Variants in NOA1 observed in about 807,000 individuals in gnomAD.
The protein encoded by NOA1 is nitric oxide associated 1.
NOA1 carries 35 observed loss-of-function variants against 58.4 expected under a neutral mutation model. That is an observed-to-expected ratio of 0.60 (90% confidence interval 0.46 to 0.79). The LOEUF is 0.79. Ranked by LOEUF, NOA1 falls within the 30% of genes least tolerant of loss-of-function variation. The probability of loss-of-function intolerance (pLI) is 0.00; values close to 1 mark genes in which losing one functional copy is unlikely to be tolerated. For missense variants in NOA1, 895 were observed against 894.6 expected (o/e 1.00, Z -0.01); for synonymous variants, 397 against 373.4 (o/e 1.06, Z -0.73).
chr4:56,966,743 AAAGG>A lies in NOA1; in HGVS notation c.1648-11_1648-8del, dbSNP rs1226386286. 6.3e-7 allele frequency: 1 copy of A among 1,584,454 alleles called. No homozygotes were observed. Among genetic ancestry groups the A allele is most frequent in the Non-Finnish European group, 8.7e-7 (1 of 1,153,578 alleles). On this transcript the variant is annotated splice_polypyrimidine_tract_variant and splice_region_variant and intron_variant, in intron 4 of 6. Transcript: ENST00000264230. ...ACCAAGCTGACTGATTTCCCTTAAG[AAAGG>A]AAGAAGTTATCTGACCTGGTGAAAA...
chr4:56,964,465 A>G lies in NOA1; in HGVS notation c.1826T>C (p.Met609Thr). The G allele has an allele frequency of 1.2e-6, 2 of 1,614,148 alleles. No homozygotes were observed. The highest frequency in any genetic ancestry group is 1.7e-6 in the Non-Finnish European group (2 of 1,180,026). The change falls in exon 6 of 7, where the codon ATG becomes ACG. Residue 609 changes from methionine to threonine, a missense_variant. Physicochemically the swap from Met to Thr is moderately conservative, Grantham distance 81. Around this residue, in one of 3 missense-constraint regions of NOA1, gnomAD observed 212 missense variants for 221.3 expected, o/e 0.96. Transcript: ENST00000264230. Reference sequence around the variant, plus strand: ...AGATGCCCCCAGTCCTTCTTTTAACATAATGTCTTCAGCAACAAGAGGAGG... The same window carrying G: ...AGATGCCCCCAGTCCTTCTTTTAACGTAATGTCTTCAGCAACAAGAGGAGG... ...GFPPLVAEDI[M>T]LKEGLGASEA... is the part of the protein sequence containing the mutation.
In NOA1 at chr4:56,974,014, A is replaced by G. The variant is rs931111169; in HGVS notation, c.1153T>C (p.Leu385=). 1 of 1,611,032 alleles carries G rather than the reference A, an allele frequency of 6.2e-7. No individual in the cohort carries two copies. Among genetic ancestry groups the G allele is most frequent in the Non-Finnish European group, 8.5e-7 (1 of 1,177,348 alleles). ...CAAATAGGAAACTTCAGAAGGTTTA[A>G]TGTAGTACCTGAAATACACAGAATA... ...ATISPWPGTT[L]NLLKFPICNP... is the part of the protein sequence containing the mutation. The change falls in exon 2 of 7, where the codon TTA becomes CTA. Residue 385 remains leucine, a synonymous_variant. Transcript: ENST00000264230.
At chr4:56,971,864 A>G (rs1248408892) in intron 3 of NOA1, among the ~76,000 whole-genome samples, 1 of 152,034 alleles carries the variant, frequency 6.6e-6, no homozygotes, top group Admixed American at 6.6e-5. Flanking sequence ...AGGCATAGGG[A>G]CAAGACAGGT....
chr4:56,964,600 T>A (rs1721665106), intron 5 of NOA1, 74 bp from the exon 6 acceptor site: 1 of 1,482,080 alleles, frequency 6.7e-7, no homozygotes, highest in Non-Finnish European at 9.3e-7. Flanking sequence ...AAATCACTGA[T>A]AAGATAATTC....
At position 56,972,848 on chromosome 4, in the gene NOA1, C is replaced by T. The variant is rs1350555975; in HGVS notation, c.1515+300G>A. On this transcript the variant is annotated intron_variant, in intron 3 of 6. Coordinates refer to ENST00000264230, the MANE Select transcript of NOA1 (RefSeq NM_032313.4). ...CAGAACTTGATGGCATACAGATTCACCCCTAAACAGCTTTCATGAATGAAT... is the reference window on the plus strand; with the variant it reads ...CAGAACTTGATGGCATACAGATTCATCCCTAAACAGCTTTCATGAATGAAT... Among the ~76,000 whole-genome samples, 5 of 152,294 alleles carry T rather than the reference C, an allele frequency of 3.3e-5. No individual in the cohort carries two copies. The East Asian group carries it at 9.6e-4, about 29-fold the overall frequency.
At chr4:56,964,578 CTAACAT>C (rs773670699) in intron 5 of NOA1, 52 bp from the exon 6 acceptor site, 5 of 1,574,656 alleles carry the variant, frequency 3.2e-6, no homozygotes, top group Admixed American at 1.7e-5. Flanking sequence ...TCTTGGAACT[CTAACAT>C]TAAGCAAATC....
intron 1 of NOA1, among the ~76,000 whole-genome samples, chr4:56,975,464 C>A (rs1208905012): frequency 1.3e-5 from 2 of 151,836 alleles, no homozygotes; most frequent in Non-Finnish European, 2.9e-5. Flanking sequence ...AACCCTGTCT[C>A]TACCAAAGAT....
chr4:56,966,694 G>A lies in NOA1; in HGVS notation c.1690C>T (p.Leu564Phe), dbSNP rs1205290841. ...TCCAAGGAGGTGATATGCACAGGGA[G>A]GATGTTGGAAGCCACGACTGTAAAC... ...AWFTVVASNI[L>F]PVHITSLDRA... is the part of the protein sequence containing the mutation. Residue 564 changes from leucine to phenylalanine, a missense_variant, in exon 5 of 7, where the codon CTC becomes TTC. Leu to Phe is a conservative substitution (Grantham distance 22). Coordinates refer to ENST00000264230, the MANE Select transcript of NOA1 (RefSeq NM_032313.4). 4 of 1,613,908 alleles carry A rather than the reference G, an allele frequency of 2.5e-6. No homozygotes were observed. The highest frequency in any genetic ancestry group is 1.3e-5 in the African/African-American group (1 of 75,000).
chr4:56,964,349 G>A (rs1721660358), intron 6 of NOA1, 57 bp downstream of exon 6: 2 of 1,607,194 alleles, frequency 1.2e-6, no homozygotes, highest in Non-Finnish European at 1.7e-6. Context: ...TTACAGGTGT[G>A]AGCCACCGTG....
At chr4:56,965,449 T>C (rs538592771) in intron 5 of NOA1, among the ~76,000 whole-genome samples, 13 of 152,190 alleles carry the variant, frequency 8.5e-5, no homozygotes, top group African/African-American at 2.9e-4. Context: ...AGGTCAGAAA[T>C]GTAATGTGAG....
At position 56,963,484 on chromosome 4, in the gene NOA1, T is replaced by C. The variant is rs564797177; in HGVS notation, c.2063A>G (p.Asn688Ser). The C allele has an allele frequency of 1.2e-6, 2 of 1,614,064 alleles. No individual in the cohort carries two copies. The highest frequency in any genetic ancestry group is 1.3e-5 in the African/African-American group (1 of 75,010). ...TATCTTTCCTTTCTTCTTCCTCACGTTGTACATAAGGGAAGGAGGCTTCTT... is the reference window on the plus strand; with the variant it reads ...TATCTTTCCTTTCTTCTTCCTCACGCTGTACATAAGGGAAGGAGGCTTCTT... ...KTKKPPSLMY[N>S]VRKKKGKINV The change falls in exon 7 of 7, where the codon AAC becomes AGC. Residue 688 changes from asparagine to serine, a missense_variant. Around this residue, in one of 3 missense-constraint regions of NOA1, gnomAD observed 212 missense variants for 221.3 expected, o/e 0.96. Coordinates refer to ENST00000264230, the MANE Select transcript of NOA1 (RefSeq NM_032313.4).
intron 1 of NOA1, 60 bp from the exon 2 acceptor site, chr4:56,974,082 A>AT: frequency 1.9e-6 from 2 of 1,070,722 alleles, no homozygotes; most frequent in Non-Finnish European, 2.6e-6. Flanking sequence ...GAAAATGAAC[A>AT]TTTTTGAGGA....
In NOA1 at chr4:56,977,391, A is replaced by G. The variant is rs765782598; in HGVS notation, c.195T>C (p.Gly65=). The change falls in exon 1 of 7, where the codon GGT becomes GGC. Residue 65 remains glycine (G), a synonymous_variant. Transcript: ENST00000264230. ...DPVDTEGFGE[G]GDMQERFLFP... is the part of the protein sequence containing the mutation. ...ACAGAAAACGCTCCTGCATGTCACC[A>G]CCTTCTCCAAAGCCCTCCGTGTCCA... 1 of 1,614,046 alleles carries G rather than the reference A, an allele frequency of 6.2e-7. No homozygotes were observed.
At position 56,976,755 on chromosome 4, in the gene NOA1, G is replaced by T. The variant is rs896404880; in HGVS notation, c.831C>A (p.Leu277=). ...RLWEDCARAG[L]LLAPGHQGPQ... is the part of the protein sequence containing the mutation. The stretch of plus-strand genomic sequence containing the variant: ...GCCCTTGGTGGCCAGGGGCCAGCAG[G>T]AGCCCGGCGCGGGCACAGTCCTCCC... The change falls in exon 1 of 7, where the codon CTC becomes CTA. Residue 277 remains leucine, a synonymous_variant. Coordinates refer to ENST00000264230, the MANE Select transcript of NOA1 (RefSeq NM_032313.4). 4 of 1,609,782 alleles carry T rather than the reference G, an allele frequency of 2.5e-6. No individual in the cohort carries two copies. Among genetic ancestry groups the T allele is most frequent in the Non-Finnish European group, 3.4e-6 (4 of 1,177,610 alleles).
intron 5 of NOA1, among the ~76,000 whole-genome samples, chr4:56,965,365 A>C (rs1194494821): frequency 6.6e-6 from 1 of 152,124 alleles, no homozygotes; most frequent in African/African-American, 2.4e-5. Flanking sequence ...CACTAAGAAC[A>C]CAAAGATAGA....
At chr4:56,968,555 T>A (rs1044893469) in intron 3 of NOA1, 40 bp from the exon 4 acceptor site, 3 of 1,454,496 alleles carry the variant, frequency 2.1e-6, no homozygotes, top group Non-Finnish European at 2.8e-6. Flanking sequence ...AATACTTTTA[T>A]TGAAAATATG....
At chr4:56,974,303 C>T (rs2109620302) in intron 1 of NOA1, among the ~76,000 whole-genome samples, 1 of 152,274 alleles carries the variant, frequency 6.6e-6, no homozygotes. Context: ...GAGCAGCTTA[C>T]TAAATGAAAC....
chr4:56,970,946 C>T (rs915188508), intron 3 of NOA1, among the ~76,000 whole-genome samples: 1 of 152,170 alleles, frequency 6.6e-6, no homozygotes, highest in Non-Finnish European at 1.5e-5. Flanking sequence ...AAATTCTTGC[C>T]TTTCTGACAC....
chr4:56,974,628 G>A (rs893835090), intron 1 of NOA1, among the ~76,000 whole-genome samples: 6 of 144,638 alleles, frequency 4.1e-5, no homozygotes, highest in Non-Finnish European at 9.0e-5. Context: ...CTCCAACCTG[G>A]GCGACAGAGT....
Sources: allele counts gnomAD v4.1 joint callset (sites outside exome capture counted in the v4.1 genomes callset), GRCh38; gene constraint gnomAD v4.1.1; regional missense constraint gnomAD v4.1.1; transcripts MANE v1.5; gene names NCBI Gene and HGNC (gene_info 2026-07-23, HGNC 2026-07-21).